The following NPR3 variants were observed in gnomAD, a reference collection of about 807,000 sequenced individuals.
NPR3 encodes atrial natriuretic peptide receptor 3.
In NPR3, 34 loss-of-function variants were observed where a neutral mutation model predicts 54.5. The ratio of observed to expected loss-of-function variants is 0.62; its 90% CI spans 0.47 to 0.83. The LOEUF is 0.83. Ranked by LOEUF, NPR3 falls within the 40% of genes least tolerant of loss-of-function variation. The pLI is 0.00. For missense variants in NPR3, 674 were observed against 720.8 expected, an observed-to-expected ratio of 0.94 and a Z score of 0.74; for synonymous variants, 289 against 297.1, an observed-to-expected ratio of 0.97 and a Z score of 0.28.
At chr5:32,770,155 G>T (rs1021263038) in intron 3 of NPR3, among the ~76,000 whole-genome samples, 3 of 152,222 alleles carry the variant, frequency 2.0e-5, no homozygotes, top group Non-Finnish European at 4.4e-5. Context: ...TGACAGGCCT[G>T]GTACAGTGGC....
At chr5:32,754,859 T>G (rs1484076163) in intron 3 of NPR3, among the ~76,000 whole-genome samples, 2 of 152,098 alleles carry the variant, frequency 1.3e-5, no homozygotes, top group African/African-American at 2.4e-5. Flanking sequence ...TTAAAGAGAT[T>G]TAATTTCTTT....
At chr5:32,780,284 T>A (rs192552750) in intron 4 of NPR3, among the ~76,000 whole-genome samples, 5 of 152,306 alleles carry the variant, frequency 3.3e-5, no homozygotes, top group Admixed American at 3.3e-4. Context: ...GAAAAGCACA[T>A]TCACTGAGTC....
At chr5:32,705,208 A>G (rs530922892), upstream of NPR3, among the ~76,000 whole-genome samples, 54 of 152,348 alleles carry the variant, frequency 3.5e-4, 2 homozygotes, top group South Asian at 5.2e-3. Flanking sequence ...CCTTAAGGAA[A>G]TCAGAAGTTT....
chr5:32,783,132 T>C, intron 6 of NPR3, 104 bp downstream of exon 6: 1 of 1,097,108 alleles, frequency 9.1e-7, no homozygotes, highest in Non-Finnish European at 1.3e-6. Context: ...TTTGGAATTT[T>C]ACATTTCTTT....
intron 3 of NPR3, among the ~76,000 whole-genome samples, chr5:32,771,062 T>TC (rs1741731074): frequency 6.6e-6 from 1 of 152,202 alleles, no homozygotes; most frequent in Admixed American, 6.5e-5. Flanking sequence ...TTTTTTTTTT[T>TC]CTCCCTTATT....
chr5:32,785,366 G>A (rs890413741), intron 7 of NPR3, among the ~76,000 whole-genome samples: 10 of 151,968 alleles, frequency 6.6e-5, no homozygotes, highest in African/African-American at 2.2e-4. Context: ...GGCCAGGTTG[G>A]TCTTGAACTC....
intron 3 of NPR3, among the ~76,000 whole-genome samples, chr5:32,773,005 A>G (rs946459080): frequency 2.0e-5 from 3 of 152,092 alleles, no homozygotes; most frequent in Non-Finnish European, 4.4e-5. Context: ...GGGGTGGGAT[A>G]AGGTTAAGTA....
intron 2 of NPR3, among the ~76,000 whole-genome samples, chr5:32,736,250 A>AAAAG (rs1554015123): frequency 8.9e-4 from 115 of 128,512 alleles, no homozygotes; most frequent in East Asian, 7.2e-3. Flanking sequence ...AAAAAAAAAG[A>AAAAG]AAAAAAAAAG....
rs1561096979 is a variant in NPR3, at chr5:32,736,250, A to AAAAAAAAAAAAAG, written c.893-2605_893-2604insAAAGAAAAAAAAA. ...TGTCTCAAAAAAAAAAAAAAAAAAG[A>AAAAAAAAAAAAAG]AAAAAAAAAGGAAAACAAAACTCCA... On this transcript the variant is annotated intron_variant, in intron 2 of 7. Transcript: ENST00000265074. 8.1e-4 allele frequency among the ~76,000 whole-genome samples: 104 copies of AAAAAAAAAAAAAG among 128,524 alleles called. 1 individual carries two copies. Among genetic ancestry groups the AAAAAAAAAAAAAG allele is most frequent in the Non-Finnish European group, 1.1e-3 (67 of 60,908 alleles). 84.3% of individuals were successfully genotyped at this position (128,524 alleles called of 152,430 possible).
rs148494318 is a variant in NPR3 at position 32,762,012 on chromosome 5, A to T, written c.1060-12696A>T. Among the ~76,000 whole-genome samples, 472 of 152,096 alleles carry T rather than the reference A, an allele frequency of 3.1e-3. 4 individuals are homozygous for T. Among genetic ancestry groups the T allele is most frequent in the African/African-American group, 0.011 (453 of 41,476 alleles). ...CTGTGTCCATGTGTTCTAATTCTTC[A>T]ACTCCCACTTATGAGTGAGAACATG... On this transcript the variant is annotated intron_variant, in intron 3 of 7. Coordinates refer to ENST00000265074, the MANE Select transcript of NPR3 (RefSeq NM_001204375.2).
At chr5:32,778,801 G>C (rs1203536937) in intron 4 of NPR3, among the ~76,000 whole-genome samples, 2 of 152,150 alleles carry the variant, frequency 1.3e-5, no homozygotes, top group African/African-American at 4.8e-5. Flanking sequence ...GGTATAATGA[G>C]GTCTTAAATT....
At chr5:32,781,842 G>C (rs1038005548) in intron 5 of NPR3, among the ~76,000 whole-genome samples, 2 of 152,164 alleles carry the variant, frequency 1.3e-5, no homozygotes, top group Non-Finnish European at 2.9e-5. Flanking sequence ...CTCAGTACAC[G>C]CCAGTGATTG....
At chr5:32,783,200 C>G (rs1742431423) in intron 6 of NPR3, 172 bp downstream of exon 6, 1 of 526,874 alleles carries the variant, frequency 1.9e-6, no homozygotes, top group African/African-American at 2.0e-5. Flanking sequence ...TCAGGTCTTC[C>G]TTCCCTTCCA....
chr5:32,703,551 G>T (rs952756655), intron 1 of NPR3, among the ~76,000 whole-genome samples: 2 of 152,136 alleles, frequency 1.3e-5, no homozygotes, highest in African/African-American at 4.8e-5. Flanking sequence ...GGGCCCAAAG[G>T]CTCTTTAGAC....
chr5:32,779,948 A>G (rs540782125), intron 4 of NPR3, among the ~76,000 whole-genome samples: 1 of 152,188 alleles, frequency 6.6e-6, no homozygotes, highest in Admixed American at 6.5e-5. Context: ...AGTTGTGGAG[A>G]CTGAGGCTTA....
At chr5:32,742,688 A>C (rs1361353743) in intron 3 of NPR3, among the ~76,000 whole-genome samples, 1 of 152,202 alleles carries the variant, frequency 6.6e-6, no homozygotes, top group African/African-American at 2.4e-5. Context: ...TCACATCACC[A>C]CTTAAGCATG....
chr5:32,722,124 G>A (rs1005308049), intron 1 of NPR3, among the ~76,000 whole-genome samples: 8 of 152,088 alleles, frequency 5.3e-5, no homozygotes, highest in African/African-American at 1.9e-4. Flanking sequence ...GAAGGAGATG[G>A]GCCGGGAATG....
At position 32,791,215 on chromosome 5, in the gene NPR3, G is replaced by A. The variant is rs905206; in HGVS notation, c.*4870G>A. 10,696 of 167,098 alleles carry A rather than the reference G, an allele frequency of 0.064. 1,302 individuals are homozygous for A. The highest frequency in any genetic ancestry group is 0.25 in the African/African-American group (10,236 of 41,480). The allele number at this position is 167,098 out of a possible 1,614,324, so 10.4% of individuals were successfully genotyped here. A position where few individuals can be genotyped will look rare whatever the true frequency, so the allele number is the denominator to read the frequency against. On this transcript the variant is annotated 3_prime_UTR_variant, in exon 8 of 8. Coordinates refer to ENST00000265074, the MANE Select transcript of NPR3 (RefSeq NM_001204375.2). ...GCATGGAGTTGCTGTGAGTTTGTTC[G>A]TTGCAGACCTTTGTGTTGGGTCCTG...
chr5:32,711,288 G>A, upstream of NPR3: 1 of 959,896 alleles, frequency 1.0e-6, no homozygotes, highest in Non-Finnish European at 1.2e-6. Context: ...CCGCTGCCAC[G>A]CTATTTAAAC....
Sources: allele counts gnomAD v4.1 joint callset (sites outside exome capture counted in the v4.1 genomes callset), GRCh38; gene constraint gnomAD v4.1.1; transcripts MANE v1.5; gene names NCBI Gene and HGNC (gene_info 2026-07-23, HGNC 2026-07-21).